The following ZDHHC11B variants were observed in gnomAD, a reference collection of about 807,000 sequenced individuals.
The protein encoded by ZDHHC11B is probable palmitoyltransferase ZDHHC11B.
Under a neutral mutation model 42.3 loss-of-function variants are expected in ZDHHC11B, and 17 were observed. The ratio of observed to expected loss-of-function variants is 0.40; its 90% confidence interval spans 0.27 to 0.60. The LOEUF is 0.60. Among genes scored for constraint, ZDHHC11B ranks in the 20% least tolerant of loss-of-function variants. ZDHHC11B has a pLI of 0.41. For missense variants in ZDHHC11B, 262 were observed against 463.2 expected, an observed-to-expected ratio of 0.57 and a Z score of 3.99; for synonymous variants, 123 against 193.5, an observed-to-expected ratio of 0.64 and a Z score of 3.02.
At chr5:757,741 T>C (rs1734057930) in intron 4 of ZDHHC11B, among the ~76,000 whole-genome samples, 1 of 151,810 alleles carries the variant, frequency 6.6e-6, no homozygotes, top group African/African-American at 2.4e-5. Context: ...AGACTCTGTG[T>C]GTGCAGACAT....
chr5:751,724 T>C (rs2127098130), intron 6 of ZDHHC11B, among the ~76,000 whole-genome samples: 1 of 128,286 alleles, frequency 7.8e-6, no homozygotes, highest in African/African-American at 2.5e-5. Context: ...CTCAGGCTCC[T>C]GTCTCTGTGC....
chr5:758,412 C>T (rs534999244), intron 4 of ZDHHC11B, among the ~76,000 whole-genome samples: 29 of 152,004 alleles, frequency 1.9e-4, no homozygotes, highest in African/African-American at 5.3e-4. Context: ...CTCCGGGCTT[C>T]GCACAAAGAA....
chr5:765,249 T>C (rs182090224), intron 4 of ZDHHC11B, among the ~76,000 whole-genome samples: 132 of 151,546 alleles, frequency 8.7e-4, no homozygotes, highest in African/African-American at 3.1e-3. Context: ...CAGCACCCTA[T>C]GTCTAGCTCG....
At chr5:766,249 A>G (rs1465779531) in intron 4 of ZDHHC11B, among the ~76,000 whole-genome samples, 3 of 151,708 alleles carry the variant, frequency 2.0e-5, no homozygotes, top group Non-Finnish European at 4.4e-5. Context: ...CCACTGGGAG[A>G]CAGGAGCAGA....
intron 9 of ZDHHC11B, among the ~76,000 whole-genome samples, chr5:742,337 G>A: frequency 6.8e-6 from 1 of 146,682 alleles, no homozygotes; most frequent in Non-Finnish European, 1.5e-5. Context: ...TTGTTTGTTT[G>A]TTGTTTTTTT....
intron 13 of ZDHHC11B, among the ~76,000 whole-genome samples, chr5:715,872 G>A (rs1741711100): frequency 6.6e-6 from 1 of 151,602 alleles, no homozygotes; most frequent in Non-Finnish European, 1.5e-5. Context: ...CCAGACGGCT[G>A]TGGGAGCTGC....
At chr5:726,388 C>CA (rs1188852354) in intron 12 of ZDHHC11B, among the ~76,000 whole-genome samples, 4 of 148,254 alleles carry the variant, frequency 2.7e-5, no homozygotes, top group Admixed American at 6.7e-5. Flanking sequence ...TATTCTGTGA[C>CA]AAAAAAAGGG....
chr5:777,645 G>A (rs1212981615), intron 1 of ZDHHC11B, among the ~76,000 whole-genome samples: 2 of 151,956 alleles, frequency 1.3e-5, no homozygotes, highest in Non-Finnish European at 2.9e-5. Flanking sequence ...TAATTGGTCC[G>A]TTTTACAGAG....
intron 1 of ZDHHC11B, among the ~76,000 whole-genome samples, chr5:776,628 C>T (rs1285922431): frequency 2.0e-5 from 3 of 151,882 alleles, no homozygotes; most frequent in Non-Finnish European, 4.4e-5. Context: ...AAGACCACAG[C>T]GACCCGAAGC....
chr5:728,501 C>T (rs1282689990), intron 12 of ZDHHC11B, among the ~76,000 whole-genome samples: 3 of 151,824 alleles, frequency 2.0e-5, no homozygotes, highest in African/African-American at 2.4e-5. Flanking sequence ...GACTAAGCCA[C>T]GGTATATGCA....
chr5:721,553 A>G (rs1307547917), intron 12 of ZDHHC11B, among the ~76,000 whole-genome samples: 1 of 151,268 alleles, frequency 6.6e-6, no homozygotes, highest in Non-Finnish European at 1.5e-5. Flanking sequence ...GGCAAGGGTG[A>G]GGAGCGAGGA....
chr5:774,935 G>A (rs1364772988), intron 1 of ZDHHC11B, among the ~76,000 whole-genome samples: 10 of 152,012 alleles, frequency 6.6e-5, no homozygotes, highest in Non-Finnish European at 1.0e-4. Context: ...TGCTCTTCAC[G>A]TGGATGGCTG....
chr5:761,021 G>A (rs1337390943), intron 4 of ZDHHC11B, among the ~76,000 whole-genome samples: 4 of 151,842 alleles, frequency 2.6e-5, no homozygotes, highest in African/African-American at 9.7e-5. Flanking sequence ...CCAGGAAAAG[G>A]CAGGCGGGCG....
chr5:750,954 G>T (rs1745544724), intron 7 of ZDHHC11B, among the ~76,000 whole-genome samples, 179 bp downstream of exon 7: 1 of 112,182 alleles, frequency 8.9e-6, no homozygotes, highest in African/African-American at 2.8e-5. Context: ...CGCGCTGGGG[G>T]CTGCTGGGCT....
At chr5:779,065 A>G (rs1314318994) in intron 1 of ZDHHC11B, among the ~76,000 whole-genome samples, 1 of 151,294 alleles carries the variant, frequency 6.6e-6, no homozygotes, top group African/African-American at 2.5e-5. Flanking sequence ...CAGAACTGTG[A>G]GAAGTGAACA....
chr5:729,549 A>T (rs1408522071), intron 12 of ZDHHC11B, among the ~76,000 whole-genome samples: 6 of 147,696 alleles, frequency 4.1e-5, no homozygotes, highest in South Asian at 4.4e-4. Flanking sequence ...ACTGTGTGCG[A>T]GTGTGTGTGT....
Position 712,807 on chromosome 5 carries a change from G to T in ZDHHC11B, c.*8-525C>A, listed in dbSNP as rs542781971. On this transcript the variant is annotated intron_variant, in intron 13 of 13. Transcript: ENST00000508859. ...AACTGTAGGCCCAGCTACATGGGAG[G>T]CTGAGGCAGGAGAATGTTGTGAACC... Among the ~76,000 whole-genome samples the T allele has an allele frequency of 4.5e-4, 69 of 151,878 alleles. 1 individual carries two copies. In the South Asian group the frequency reaches 0.014, roughly 32 times the overall value.
At chr5:753,453 C>T (rs1746062614) in intron 6 of ZDHHC11B, among the ~76,000 whole-genome samples, 1 of 132,830 alleles carries the variant, frequency 7.5e-6, no homozygotes, top group East Asian at 3.0e-4. Flanking sequence ...CACGTGGTCC[C>T]TCTCCAGCAC....
chr5:739,020 G>A (rs1211381590), intron 10 of ZDHHC11B, among the ~76,000 whole-genome samples: 3 of 150,820 alleles, frequency 2.0e-5, no homozygotes, highest in Non-Finnish European at 2.9e-5. Flanking sequence ...CCCAGGGATA[G>A]GAAGAAAATA....
Sources: allele counts gnomAD v4.1 joint callset (sites outside exome capture counted in the v4.1 genomes callset), GRCh38; gene constraint gnomAD v4.1.1; transcripts MANE v1.5; gene names NCBI Gene and HGNC (gene_info 2026-07-23, HGNC 2026-07-21).